Variants in CEMIP2 observed in about 807,000 individuals in gnomAD.
The protein encoded by CEMIP2 is cell surface hyaluronidase CEMIP2.
Under a neutral mutation model 146.9 loss-of-function variants are expected in CEMIP2, and 79 were observed. That is an observed-to-expected ratio of 0.54 (90% CI 0.45 to 0.65). CEMIP2 has a LOEUF of 0.65. Ranked by LOEUF, CEMIP2 falls within the 30% of genes least tolerant of loss-of-function variation. CEMIP2 has a pLI of 0.00. For synonymous variants in CEMIP2, 601 were observed against 606.3 expected (o/e 0.99, Z 0.13); for missense variants, 1,596 against 1,696.2 (o/e 0.94, Z 1.04).
At chr9:71,754,055 G>T (rs1824339768) in intron 1 of CEMIP2, among the ~76,000 whole-genome samples, 2 of 152,082 alleles carry the variant, frequency 1.3e-5, no homozygotes, top group South Asian at 4.1e-4. Flanking sequence ...CACACACTGG[G>T]CCTGTTGAGG....
intron 11 of CEMIP2, 59 bp from the exon 12 acceptor site, chr9:71,722,574 ACAATGATT>A (rs1823265282): frequency 7.6e-7 from 1 of 1,316,084 alleles, no homozygotes; most frequent in Non-Finnish European, 1.1e-6. Flanking sequence ...AACAACATAT[ACAATGATT>A]CATGAAAATA....
chr9:71,748,272 T>C (rs1824145514), intron 2 of CEMIP2, among the ~76,000 whole-genome samples: 1 of 152,282 alleles, frequency 6.6e-6, no homozygotes, highest in South Asian at 2.1e-4. Context: ...AATGAGAAAA[T>C]GTGTAGTCTG....
intron 18 of CEMIP2, 72 bp from the exon 19 acceptor site, chr9:71,700,896 G>A (rs1196386884): frequency 2.2e-6 from 3 of 1,353,420 alleles, no homozygotes; most frequent in Admixed American, 2.8e-5. Flanking sequence ...AGCGTATGCA[G>A]ATAACTGTCC....
chr9:71,711,206 T>C lies in CEMIP2; in HGVS notation c.2769+877A>G, dbSNP rs113362586. ...TTCCTGTGGGCTACTGTACTGTAAA[T>C]GGTAATTTTTACAGTCTATCTGCAA... is the stretch of plus-strand genomic sequence containing the variant. On this transcript the variant is annotated intron_variant, in intron 16 of 23. Transcript: ENST00000377044. 9.7e-3 allele frequency among the ~76,000 whole-genome samples: 1,469 copies of C among 152,136 alleles called. 22 individuals are homozygous for C. The highest frequency in any genetic ancestry group is 0.034 in the African/African-American group (1,398 of 41,502).
intron 23 of CEMIP2, 132 bp from the exon 24 acceptor site, chr9:71,685,525 C>T: frequency 2.6e-6 from 3 of 1,154,174 alleles, no homozygotes; most frequent in Non-Finnish European, 3.5e-6. Flanking sequence ...CACTTCCTTA[C>T]ATCAGCAAAT....
chr9:71,711,947 G>A, intron 16 of CEMIP2, 136 bp downstream of exon 16: 1 of 861,072 alleles, frequency 1.2e-6, no homozygotes, highest in East Asian at 2.6e-5. Context: ...CATGGAATTA[G>A]GAGCTGGCTC....
chr9:71,684,956 G>C lies in CEMIP2; in HGVS notation c.*241C>G. 2 of 431,726 alleles carry C rather than the reference G, an allele frequency of 4.6e-6. No individual in the cohort carries two copies. The highest frequency in any genetic ancestry group is 8.2e-6 in the Non-Finnish European group (2 of 244,866). The allele number at this position is 431,726 out of a possible 1,614,324, so 26.7% of individuals were successfully genotyped here. A position where few individuals can be genotyped will look rare whatever the true frequency, so the allele number is the denominator to read the frequency against. On this transcript the variant is annotated 3_prime_UTR_variant, in exon 24 of 24. Transcript: ENST00000377044. ...TACGGGGGTGGAAAGTGAGGAATAA[G>C]AGATCTGCTCTCTGAATACACCAGC... is the stretch of plus-strand genomic sequence containing the variant.
In CEMIP2 at chr9:71,724,719, A is replaced by G. The variant is rs560708689; in HGVS notation, c.2178+862T>C. Among the ~76,000 whole-genome samples the G allele has an allele frequency of 2.6e-5, 4 of 152,274 alleles. No individual in the cohort carries two copies. In the South Asian group the frequency reaches 8.3e-4, roughly 32 times the overall value. On this transcript the variant is annotated intron_variant, in intron 11 of 23. Coordinates refer to ENST00000377044, the MANE Select transcript of CEMIP2 (RefSeq NM_013390.3). ...CTCCTAATGGCCTTTAGGTTACTTG[A>G]TCTGTATCATTTTAAATTAGGTCAA...
chr9:71,748,915 A>G (rs1181465302), intron 2 of CEMIP2, among the ~76,000 whole-genome samples: 2 of 152,224 alleles, frequency 1.3e-5, no homozygotes, highest in South Asian at 2.1e-4. Context: ...CTGAACTGTT[A>G]CAGCCACTTA....
At chr9:71,695,740 G>A (rs1350390560) in intron 20 of CEMIP2, among the ~76,000 whole-genome samples, 1 of 152,074 alleles carries the variant, frequency 6.6e-6, no homozygotes, top group Non-Finnish European at 1.5e-5. Flanking sequence ...GTAGTTCTTT[G>A]AAGTCTCCAA....
chr9:71,757,451 A>T (rs1824497509), intron 1 of CEMIP2, among the ~76,000 whole-genome samples: 1 of 152,208 alleles, frequency 6.6e-6, no homozygotes, highest in Non-Finnish European at 1.5e-5. Flanking sequence ...ACTGGCCAAA[A>T]TTTGGCTAAG....
At chr9:71,702,968 A>G (rs1244714495) in intron 18 of CEMIP2, among the ~76,000 whole-genome samples, 4 of 152,220 alleles carry the variant, frequency 2.6e-5, no homozygotes, top group Non-Finnish European at 5.9e-5. Flanking sequence ...TAACTTATAG[A>G]GTACTGATCA....
chr9:71,712,174 T>C lies in CEMIP2; in HGVS notation c.2678A>G (p.Asp893Gly). The C allele has an allele frequency of 1.9e-6, 3 of 1,614,196 alleles. No individual in the cohort carries two copies. Among genetic ancestry groups the C allele is most frequent in the Non-Finnish European group, 2.5e-6 (3 of 1,180,030 alleles). The change falls in exon 16 of 24, where the codon GAT (aspartate) becomes GGT (glycine). Residue 893 changes from aspartate (D) to glycine (G), a missense_variant. By Grantham distance (94) the Asp-to-Gly change is moderately conservative. Transcript: ENST00000377044. Reference protein sequence around the residue: ...STFKKYVPTPDRYSSAIGFLM... With the variant: ...STFKKYVPTPGRYSSAIGFLM... The stretch of plus-strand genomic sequence containing the variant: ...GAAGCCAATTGCACTGCTGTACCTA[T>C]CTGGAGTTGGCACATATTTTTTGAA...
intron 4 of CEMIP2, among the ~76,000 whole-genome samples, chr9:71,742,513 A>G (rs1823952008): frequency 1.3e-5 from 2 of 152,214 alleles, no homozygotes; most frequent in Admixed American, 6.5e-5. Flanking sequence ...ATTGGAGATA[A>G]CGTCAATGCA....
At chr9:71,716,243 TA>T (rs1823053495) in intron 14 of CEMIP2, among the ~76,000 whole-genome samples, 1 of 152,152 alleles carries the variant, frequency 6.6e-6, no homozygotes. Context: ...CCCTACTTTT[TA>T]AAAACTTTAG....
intron 10 of CEMIP2, 80 bp from the exon 11 acceptor site, chr9:71,725,789 A>T (rs948920316): frequency 1.4e-6 from 2 of 1,453,360 alleles, no homozygotes; most frequent in Non-Finnish European, 1.8e-6. Flanking sequence ...TAACTTCTTC[A>T]TCAGCAAGTT....
rs578209299 is a variant in CEMIP2, at chr9:71,694,340, A to C, written c.3696+169T>G. Reference sequence around the variant, plus strand: ...ACAGCGTTTCACCATGTTAGCCAGGATGGTCTCGATCTAACCTTATGATCT... The same window carrying C: ...ACAGCGTTTCACCATGTTAGCCAGGCTGGTCTCGATCTAACCTTATGATCT... On this transcript the variant is annotated intron_variant, in intron 21 of 23. Transcript: ENST00000377044. Among the ~76,000 whole-genome samples the C allele has an allele frequency of 2.6e-5, 4 of 152,134 alleles. No homozygotes were observed. In the East Asian group the frequency reaches 7.8e-4, roughly 30 times the overall value.
At chr9:71,727,473 G>C (rs1208304916) in intron 10 of CEMIP2, among the ~76,000 whole-genome samples, 1 of 152,152 alleles carries the variant, frequency 6.6e-6, no homozygotes, top group African/African-American at 2.4e-5. Flanking sequence ...CTGTCAAATA[G>C]AATCTTCAAT....
chr9:71,707,433 C>T (rs1822778864), intron 17 of CEMIP2, among the ~76,000 whole-genome samples: 1 of 152,036 alleles, frequency 6.6e-6, no homozygotes, highest in Admixed American at 6.6e-5. Flanking sequence ...AAGTCTCTCC[C>T]GTCTTTATTC....
Sources: allele counts gnomAD v4.1 joint callset (sites outside exome capture counted in the v4.1 genomes callset), GRCh38; gene constraint gnomAD v4.1.1; transcripts MANE v1.5; gene names NCBI Gene and HGNC (gene_info 2026-07-23, HGNC 2026-07-21).